Variants in SLC30A6 observed in about 807,000 individuals in gnomAD.
SLC30A6 encodes the protein zinc transporter 6.
In SLC30A6, 55 loss-of-function variants were observed where a neutral mutation model predicts 63.0. The observed-to-expected ratio is 0.87, with a 90% CI of 0.70 to 1.09. SLC30A6 has a LOEUF of 1.09. Among genes scored for constraint, SLC30A6 ranks in the 50% least tolerant of loss-of-function variants. SLC30A6 has a pLI of 0.00. For missense variants in SLC30A6, 587 were observed against 549.2 expected, an observed-to-expected ratio of 1.07 and a Z score of -0.69; for synonymous variants, 224 against 186.1, an observed-to-expected ratio of 1.20 and a Z score of -1.66.
rs796534281 is a variant in SLC30A6 at position 32,186,111 on chromosome 2, T to C, written c.284+1773T>C. On this transcript the variant is annotated intron_variant, in intron 5 of 13. Transcript: ENST00000282587. ...GTGAAGTGGTGTGATCTTGGCTCAT[T>C]GCAACCTCCACCTACCAGATTCGAT... Among the ~76,000 whole-genome samples the C allele has an allele frequency of 6.6e-5, 10 of 152,172 alleles. 1 individual carries two copies. Among genetic ancestry groups the C allele is most frequent in the African/African-American group, 2.4e-4 (10 of 41,536 alleles).
chr2:32,176,288 T>C (rs185900359), intron 4 of SLC30A6, among the ~76,000 whole-genome samples: 1 of 152,282 alleles, frequency 6.6e-6, no homozygotes, highest in South Asian at 2.1e-4. Flanking sequence ...CCTGTCACGT[T>C]GGGAAAGCTT....
At chr2:32,190,019 A>G (rs1461887837) in intron 5 of SLC30A6, among the ~76,000 whole-genome samples, 2 of 152,084 alleles carry the variant, frequency 1.3e-5, no homozygotes, top group Non-Finnish European at 2.9e-5. Context: ...AACCATTCAG[A>G]TCACCTCTTT....
chr2:32,216,878 C>T (rs1436400411), intron 13 of SLC30A6, among the ~76,000 whole-genome samples: 1 of 151,172 alleles, frequency 6.6e-6, no homozygotes, highest in Non-Finnish European at 1.5e-5. Context: ...TCGCAAGATT[C>T]TTACAGTTTT....
At chr2:32,197,609 A>G (rs1239041290) in intron 9 of SLC30A6, 98 bp from the exon 10 acceptor site, 3 of 1,530,770 alleles carry the variant, frequency 2.0e-6, no homozygotes, top group African/African-American at 2.8e-5. Flanking sequence ...TAAGAAGTAC[A>G]CTATGTGGTA....
intron 2 of SLC30A6, 68 bp from the exon 3 acceptor site, chr2:32,173,995 A>G (rs896528265): frequency 2.5e-6 from 3 of 1,183,422 alleles, no homozygotes; most frequent in Non-Finnish European, 3.7e-6. Flanking sequence ...TATAAATTGT[A>G]GCAACTTGAA....
Position 32,213,807 on chromosome 2 carries a change from TTTTGTTTTTG to T in SLC30A6, c.885+4250_885+4259del, listed in dbSNP as rs1558426545. 3.1e-5 allele frequency among the ~76,000 whole-genome samples: 4 copies of T among 127,142 alleles called. No individual in the cohort carries two copies. The South Asian group carries it at 7.5e-4, about 24-fold the overall frequency. 83.4% of individuals were successfully genotyped at this position (127,142 alleles called of 152,430 possible). ...AGGTCTAGGATAAACTTTTTTTTTT[TTTTGTTTTTG>T]TTTTGAGACGGAGTCTCACACTGTC... On this transcript the variant is annotated intron_variant, in intron 13 of 13. Transcript: ENST00000282587.
At chr2:32,197,224 T>A (rs891261892) in intron 8 of SLC30A6, 120 bp from the exon 9 acceptor site, 9 of 812,152 alleles carry the variant, frequency 1.1e-5, no homozygotes, top group Non-Finnish European at 1.8e-5. Context: ...AGTAGCATGT[T>A]CTTTTGTAAT....
intron 10 of SLC30A6, among the ~76,000 whole-genome samples, chr2:32,198,292 G>T (rs1683975096): frequency 6.6e-6 from 1 of 152,048 alleles, no homozygotes; most frequent in African/African-American, 2.4e-5. Flanking sequence ...TGTCCTTATT[G>T]TTCTTGCTGT....
intron 3 of SLC30A6, among the ~76,000 whole-genome samples, chr2:32,174,629 C>G (rs1230218456): frequency 7.0e-6 from 1 of 141,928 alleles, no homozygotes; most frequent in African/African-American, 2.6e-5. Flanking sequence ...TCTTGGCCCA[C>G]TGCATCCTCC....
intron 10 of SLC30A6, chr2:32,201,455 A>G (rs1684286307): frequency 4.9e-6 from 2 of 407,962 alleles, no homozygotes; most frequent in Non-Finnish European, 9.0e-6. Context: ...GATAGATTCC[A>G]TTAGTCTTTC....
At chr2:32,204,440 A>G in intron 10 of SLC30A6, 150 bp from the exon 11 acceptor site, 1 of 372,138 alleles carries the variant, frequency 2.7e-6, no homozygotes, top group South Asian at 7.3e-5. Context: ...TTTTCTTTGA[A>G]ATGTTTCTTT....
chr2:32,205,327 A>G (rs1684660673), intron 11 of SLC30A6, among the ~76,000 whole-genome samples: 1 of 152,192 alleles, frequency 6.6e-6, no homozygotes, highest in Non-Finnish European at 1.5e-5. Context: ...AGACTGAGGC[A>G]GGAGAATTGC....
intron 10 of SLC30A6, chr2:32,201,630 A>T: frequency 7.3e-6 from 11 of 1,515,488 alleles, no homozygotes; most frequent in Non-Finnish European, 9.8e-6. Flanking sequence ...GGGGTACATT[A>T]TGGAACTGGA....
chr2:32,202,287 C>A, intron 10 of SLC30A6: 1 of 509,296 alleles, frequency 2.0e-6, no homozygotes, highest in South Asian at 2.3e-5. Flanking sequence ...TTCTATTTTG[C>A]GATCCCTTTG....
At chr2:32,202,962 T>A (rs1684424052) in intron 10 of SLC30A6, 1 of 1,138,508 alleles carries the variant, frequency 8.8e-7, no homozygotes, top group African/African-American at 1.5e-5. Context: ...CTACAGTGGG[T>A]CTGAAGGGAC....
Position 32,192,350 on chromosome 2 carries a change from A to G in SLC30A6, c.299A>G (p.Glu100Gly). The G allele has an allele frequency of 6.2e-7, 1 of 1,614,052 alleles. No individual in the cohort carries two copies. The highest frequency in any genetic ancestry group is 1.3e-5 in the African/African-American group (1 of 75,048). The stretch of plus-strand genomic sequence containing the variant: ...TTTGGTTTCAGGTTTGAAAGATTAG[A>G]AGTCCTGGCTGTATTTGCCTCCACA... ...PVYSFGFERL[E>G]VLAVFASTVL... The change falls in exon 6 of 14, where the codon GAA (glutamate) becomes GGA (glycine). Residue 100 changes from glutamate to glycine, a missense_variant. Glu to Gly is a moderately conservative substitution (Grantham distance 98). Coordinates refer to ENST00000282587, the MANE Select transcript of SLC30A6 (RefSeq NM_017964.5).
chr2:32,193,061 T>TC (rs1683480425), intron 7 of SLC30A6, 108 bp downstream of exon 7: 4 of 662,690 alleles, frequency 6.0e-6, no homozygotes, highest in Non-Finnish European at 9.8e-6. Flanking sequence ...CAACATAACG[T>TC]TTTTGCTGGT....
intron 1 of SLC30A6, among the ~76,000 whole-genome samples, chr2:32,166,831 C>T (rs975629107): frequency 6.6e-6 from 1 of 152,200 alleles, no homozygotes; most frequent in African/African-American, 2.4e-5. Flanking sequence ...TCCTTTTGCA[C>T]ACAGAAAATG....
intron 1 of SLC30A6, among the ~76,000 whole-genome samples, chr2:32,170,791 G>A (rs1681136516): frequency 6.6e-6 from 1 of 152,116 alleles, no homozygotes; most frequent in African/African-American, 2.4e-5. Context: ...TAGAGACAGG[G>A]TTTTGCCATG....
Sources: gnomAD v4.1 joint callset for allele counts (sites outside exome capture counted in the v4.1 genomes callset) on GRCh38, gnomAD v4.1.1 for gene constraint, MANE v1.5 for transcripts, NCBI Gene and HGNC (gene_info 2026-07-23, HGNC 2026-07-21) for gene names.